Variants in PRDM5 observed in about 807,000 individuals in gnomAD.
PRDM5 encodes the protein PR/SET domain 5, also known as PR domain zinc finger protein 5.
PRDM5 carries 56 observed loss-of-function variants against 81.2 expected under a neutral mutation model. The ratio of observed to expected loss-of-function variants is 0.69; its 90% CI spans 0.56 to 0.86. PRDM5 has a LOEUF of 0.86. Ranked by LOEUF, PRDM5 falls within the 40% of genes least tolerant of loss-of-function variation. The pLI, the probability that PRDM5 is intolerant of heterozygous loss-of-function variation, is 0.00. For synonymous variants in PRDM5, 267 were observed against 256.4 expected (o/e 1.04, Z -0.39); for missense variants, 697 against 770.1 (o/e 0.91, Z 1.12).
chr4:120,900,968 T>C (rs1265048171), intron 2 of PRDM5, among the ~76,000 whole-genome samples: 1 of 152,230 alleles, frequency 6.6e-6, no homozygotes, highest in African/African-American at 2.4e-5. Flanking sequence ...ACAGCTATTG[T>C]TACCCATTCA....
intron 14 of PRDM5, among the ~76,000 whole-genome samples, chr4:120,719,123 C>A (rs1232927113): frequency 6.6e-6 from 1 of 152,156 alleles, no homozygotes; most frequent in Non-Finnish European, 1.5e-5. Flanking sequence ...CCAGATAATT[C>A]TTTGGTGTGA....
At chr4:120,691,745 T>C (rs1734065481), downstream of PRDM5, among the ~76,000 whole-genome samples, 3 of 151,946 alleles carry the variant, frequency 2.0e-5, no homozygotes, top group African/African-American at 7.2e-5. Context: ...CAGAGGTACT[T>C]TGCAGATTGA....
At chr4:120,918,420 C>T (rs1724469426) in intron 1 of PRDM5, among the ~76,000 whole-genome samples, 1 of 152,114 alleles carries the variant, frequency 6.6e-6, no homozygotes, top group Non-Finnish European at 1.5e-5. Flanking sequence ...AGACAAGTCA[C>T]CTTCTACACT....
At chr4:120,762,199 T>C (rs965582204) in intron 13 of PRDM5, among the ~76,000 whole-genome samples, 1 of 152,170 alleles carries the variant, frequency 6.6e-6, no homozygotes, top group Non-Finnish European at 1.5e-5. Flanking sequence ...AAATGTAATT[T>C]AAAATGGAAT....
chr4:120,839,172 T>C lies in PRDM5; in HGVS notation c.300+14246A>G, dbSNP rs1757701735. On this transcript the variant is annotated intron_variant, in intron 3 of 15. Coordinates refer to ENST00000264808, the MANE Select transcript of PRDM5 (RefSeq NM_018699.4). ...TCCCTGAAAGGCTGCAGCTCTTCTC[T>C]CCTTCTCTTCACTCGCAATGTGGCA... The C allele has an allele frequency of 7.2e-6, 5 of 697,138 alleles. No homozygotes were observed. In the South Asian group the frequency reaches 7.4e-5, roughly 10 times the overall value. The allele number at this position is 697,138 out of a possible 1,614,324, so 43.2% of individuals were successfully genotyped here. A position where few individuals can be genotyped will look rare whatever the true frequency, so the allele number is the denominator to read the frequency against.
At chr4:120,771,720 A>C (rs1461782733) in intron 13 of PRDM5, among the ~76,000 whole-genome samples, 1 of 152,180 alleles carries the variant, frequency 6.6e-6, no homozygotes, top group East Asian at 1.9e-4. Context: ...TGAACATGAA[A>C]ATTCTCAATA....
intron 1 of PRDM5, among the ~76,000 whole-genome samples, chr4:120,911,139 G>A (rs193215364): frequency 6.6e-6 from 1 of 152,298 alleles, no homozygotes; most frequent in African/African-American, 2.4e-5. Context: ...ATTTTAGAGA[G>A]TAGCCAGGAG....
At chr4:120,874,355 G>C (rs1762135613) in intron 2 of PRDM5, among the ~76,000 whole-genome samples, 1 of 152,182 alleles carries the variant, frequency 6.6e-6, no homozygotes, top group African/African-American at 2.4e-5. Context: ...AGCATGCAAA[G>C]TGGGAGTAGA....
At chr4:120,831,606 C>G (rs1756721697) in intron 3 of PRDM5, among the ~76,000 whole-genome samples, 1 of 151,844 alleles carries the variant, frequency 6.6e-6, no homozygotes, top group South Asian at 2.1e-4. Context: ...TTATATGAGG[C>G]AAAACAATTA....
At chr4:120,716,048 T>C (rs1410246062) in intron 14 of PRDM5, among the ~76,000 whole-genome samples, 26 of 152,286 alleles carry the variant, frequency 1.7e-4, no homozygotes, top group Admixed American at 7.2e-4. Flanking sequence ...CATGAGGGCT[T>C]TGCAGTTATC....
In PRDM5 at chr4:120,782,185, T is replaced by C. The variant is rs149389693; in HGVS notation, c.1283-882A>G. Among the ~76,000 whole-genome samples the C allele has an allele frequency of 6.1e-3, 931 of 152,324 alleles. 8 individuals carry two copies. The highest frequency in any genetic ancestry group is 0.011 in the Non-Finnish European group (718 of 68,024). ...CACGATGTTTAATAACAATACGGTATAAAATGTATGTAGTATGTGACTATA... is the reference window on the plus strand; with the variant it reads ...CACGATGTTTAATAACAATACGGTACAAAATGTATGTAGTATGTGACTATA... On this transcript the variant is annotated intron_variant, in intron 11 of 15. Transcript: ENST00000264808.
intron 2 of PRDM5, among the ~76,000 whole-genome samples, chr4:120,902,324 T>C (rs976988741): frequency 2.6e-5 from 4 of 152,208 alleles, no homozygotes; most frequent in African/African-American, 7.2e-5. Context: ...CGTACTTGAA[T>C]TGTGGTTTGA....
chr4:120,777,229 G>C lies in PRDM5; in HGVS notation c.1496C>G (p.Ala499Gly), dbSNP rs1272488933. The C allele has an allele frequency of 6.2e-7, 1 of 1,613,422 alleles. No individual in the cohort carries two copies. The highest frequency in any genetic ancestry group is 1.7e-5 in the Admixed American group (1 of 59,952). The change falls in exon 13 of 16, where the codon GCC (alanine) becomes GGC (glycine). Residue 499 changes from alanine to glycine, a missense_variant. By Grantham distance (60) the Ala-to-Gly change is moderately conservative. This residue lies in a region of PRDM5 where 577 missense variants were observed against 606.7 expected (regional missense o/e 0.95). Transcript: ENST00000264808. ...KICPYCGQKF[A>G]SSGTLRVHIR... ...ATGAACTCTGAGTGTACCACTGCTG[G>C]CAAATTTCTGGCCACAATATGGACA...
chr4:120,714,771 T>C (rs1335065736), intron 14 of PRDM5, among the ~76,000 whole-genome samples: 1 of 152,094 alleles, frequency 6.6e-6, no homozygotes, highest in Admixed American at 6.6e-5. Context: ...TGAGGGTAAG[T>C]CCCTCCAGAC....
downstream of PRDM5, among the ~76,000 whole-genome samples, chr4:120,689,982 A>G (rs1733976242): frequency 6.6e-6 from 1 of 152,126 alleles, no homozygotes; most frequent in African/African-American, 2.4e-5. Context: ...TTTAAATAAA[A>G]GTGTTATAAT....
chr4:120,906,416 G>A (rs1454451713), intron 2 of PRDM5, among the ~76,000 whole-genome samples: 2 of 152,152 alleles, frequency 1.3e-5, no homozygotes, highest in African/African-American at 4.8e-5. Context: ...ATACCATCTA[G>A]GCTTGTACAA....
chr4:120,707,559 A>G (rs979791523), intron 15 of PRDM5, among the ~76,000 whole-genome samples: 1 of 151,698 alleles, frequency 6.6e-6, no homozygotes, highest in Non-Finnish European at 1.5e-5. Context: ...ACTCTTAGAG[A>G]AAAAAAACAA....
chr4:120,719,608 T>C (rs1471915105), intron 14 of PRDM5, among the ~76,000 whole-genome samples: 6 of 152,232 alleles, frequency 3.9e-5, no homozygotes, highest in African/African-American at 1.4e-4. Flanking sequence ...TATATAAAGA[T>C]GTCTACGTCA....
Position 120,907,560 on chromosome 4 carries a change from G to T in PRDM5, c.94-3C>A. 6.3e-7 allele frequency: 1 copy of T among 1,599,938 alleles called. No homozygotes were observed. Among genetic ancestry groups the T allele is most frequent in the Non-Finnish European group, 8.6e-7 (1 of 1,167,302 alleles). On this transcript the variant is annotated splice_region_variant and splice_polypyrimidine_tract_variant and intron_variant, in intron 1 of 15. Transcript: ENST00000264808. ...GCAAAGGGTCCGAACTTTTCACCCT[G>T]AGTAGCAATGATTATATTGAACAAG...
Sources: gnomAD v4.1 joint callset for allele counts (sites outside exome capture counted in the v4.1 genomes callset) on GRCh38, gnomAD v4.1.1 for gene constraint, gnomAD v4.1.1 regional missense constraint, MANE v1.5 for transcripts, NCBI Gene and HGNC (gene_info 2026-07-23, HGNC 2026-07-21) for gene names.